ANO10: variants seen among roughly 807,000 people sequenced by gnomAD.
The protein encoded by ANO10 is anoctamin-10.
ANO10 carries 77 observed loss-of-function variants against 74.7 expected under a neutral mutation model. The ratio of observed to expected loss-of-function variants is 1.03; its 90% confidence interval spans 0.86 to 1.25. The LOEUF (loss-of-function observed/expected upper bound fraction) is 1.25, where lower values mean the gene tolerates loss of function less well. ANO10 is among the 50% of genes most tolerant of loss of function. The probability of loss-of-function intolerance (pLI) is 0.00; values close to 1 mark genes in which losing one functional copy is unlikely to be tolerated. For synonymous variants in ANO10, 279 were observed against 284.9 expected (o/e 0.98, Z 0.21); for missense variants, 721 against 778.1 (o/e 0.93, Z 0.87).
chr3:43,593,859 G>A (rs1433681839), intron 4 of ANO10, among the ~76,000 whole-genome samples: 1 of 152,154 alleles, frequency 6.6e-6, no homozygotes, highest in Non-Finnish European at 1.5e-5. Context: ...CTGTATTCAG[G>A]AGACCCATCT....
At chr3:43,633,734 A>G (rs933763088) in intron 1 of ANO10, among the ~76,000 whole-genome samples, 1 of 152,208 alleles carries the variant, frequency 6.6e-6, no homozygotes, top group African/African-American at 2.4e-5. Context: ...GACAGAAGAC[A>G]CAAGACTCCT....
chr3:43,646,497 A>T (rs2149566160), intron 1 of ANO10, among the ~76,000 whole-genome samples: 2 of 152,290 alleles, frequency 1.3e-5, no homozygotes, highest in South Asian at 4.1e-4. Context: ...AGACAGAGCC[A>T]TGGTTATGGT....
chr3:43,566,591 G>A (rs1172206465), intron 7 of ANO10, among the ~76,000 whole-genome samples: 2 of 152,136 alleles, frequency 1.3e-5, no homozygotes, highest in South Asian at 2.1e-4. Context: ...CACCTCACAC[G>A]GCAGGGTATT....
intron 7 of ANO10, 26 bp from the exon 8 acceptor site, chr3:43,565,753 T>C: frequency 1.5e-5 from 20 of 1,326,284 alleles, no homozygotes; most frequent in East Asian, 2.5e-5. Context: ...AAAAAAAAGA[T>C]AAGTGTTAAG....
chr3:43,516,042 C>T (rs895541528), intron 11 of ANO10, among the ~76,000 whole-genome samples: 5 of 152,162 alleles, frequency 3.3e-5, no homozygotes, highest in African/African-American at 7.2e-5. Flanking sequence ...ATATAGATCA[C>T]GACCTTACAT....
At chr3:43,610,134 A>C (rs1001209914) in intron 1 of ANO10, among the ~76,000 whole-genome samples, 2 of 152,136 alleles carry the variant, frequency 1.3e-5, no homozygotes, top group African/African-American at 4.8e-5. Flanking sequence ...TTTTCTATTT[A>C]AATTTTTTAA....
At chr3:43,603,760 C>A (rs1459278515) in intron 2 of ANO10, among the ~76,000 whole-genome samples, 1 of 152,170 alleles carries the variant, frequency 6.6e-6, no homozygotes, top group African/African-American at 2.4e-5. Flanking sequence ...GTCAAATAAT[C>A]TTCCGTTAGC....
chr3:43,577,472 G>A (rs1225495209), intron 5 of ANO10, among the ~76,000 whole-genome samples: 3 of 152,170 alleles, frequency 2.0e-5, no homozygotes, highest in Admixed American at 2.0e-4. Context: ...TTAGGGGCCA[G>A]GCCTTAGCTG....
At chr3:43,463,933 C>T (rs919684886) in intron 11 of ANO10, among the ~76,000 whole-genome samples, 1 of 152,110 alleles carries the variant, frequency 6.6e-6, no homozygotes, top group Non-Finnish European at 1.5e-5. Flanking sequence ...ATCATGGGGG[C>T]AAGTCTTTCC....
chr3:43,514,945 G>T (rs775433151), intron 11 of ANO10, among the ~76,000 whole-genome samples: 1 of 152,160 alleles, frequency 6.6e-6, no homozygotes, highest in Non-Finnish European at 1.5e-5. Context: ...ACACTTGCCA[G>T]AATATGTGGG....
intron 12 of ANO10, among the ~76,000 whole-genome samples, chr3:43,376,152 A>T (rs2091799352): frequency 6.6e-6 from 1 of 152,238 alleles, no homozygotes. Context: ...TCCGCAAGGG[A>T]CTGCAGTTTA....
At chr3:43,684,385 C>T (rs2084245297) in intron 1 of ANO10, among the ~76,000 whole-genome samples, 1 of 152,142 alleles carries the variant, frequency 6.6e-6, no homozygotes, top group Non-Finnish European at 1.5e-5. Context: ...AATGAAATAC[C>T]ATCTCACACC....
At chr3:43,573,273 C>G (rs888200713) in intron 7 of ANO10, among the ~76,000 whole-genome samples, 2 of 152,136 alleles carry the variant, frequency 1.3e-5, no homozygotes, top group African/African-American at 4.8e-5. Flanking sequence ...CCTTCGAAGC[C>G]TTTTGGATAT....
chr3:43,406,662 C>T (rs2092581939), intron 12 of ANO10, among the ~76,000 whole-genome samples: 1 of 152,134 alleles, frequency 6.6e-6, no homozygotes. Context: ...TGCTTTCTAC[C>T]CTAGTTACCC....
At chr3:43,434,766 C>A (rs960709826) in intron 11 of ANO10, among the ~76,000 whole-genome samples, 2 of 152,178 alleles carry the variant, frequency 1.3e-5, no homozygotes, top group African/African-American at 2.4e-5. Flanking sequence ...AAGTAGGTAA[C>A]AGAACAAGGC....
At chr3:43,485,086 C>T in intron 11 of ANO10, 2 of 1,152,048 alleles carry the variant, frequency 1.7e-6, no homozygotes, top group Non-Finnish European at 1.3e-6. Context: ...TGACAGCCGG[C>T]CGGCGGCACT....
chr3:43,398,356 A>G (rs1481078903), intron 12 of ANO10, among the ~76,000 whole-genome samples: 1 of 152,262 alleles, frequency 6.6e-6, no homozygotes, highest in Non-Finnish European at 1.5e-5. Context: ...AGATTAATGT[A>G]AAGTTTTGAT....
chr3:43,561,184 T>A (rs768680619), intron 9 of ANO10, 36 bp downstream of exon 9: 2 of 1,599,880 alleles, frequency 1.3e-6, no homozygotes, highest in African/African-American at 2.7e-5. Flanking sequence ...TTATTCACTC[T>A]CAGTAAATGT....
chr3:43,372,850 G>A, intron 12 of ANO10: 1 of 1,535,272 alleles, frequency 6.5e-7, no homozygotes, highest in South Asian at 1.2e-5. Flanking sequence ...CTTGCAGCCT[G>A]CAGTAGCAGC....
Sources: allele counts gnomAD v4.1 joint callset (sites outside exome capture counted in the v4.1 genomes callset), GRCh38; gene constraint gnomAD v4.1.1; transcripts MANE v1.5; gene names NCBI Gene and HGNC (gene_info 2026-07-23, HGNC 2026-07-21).